Variants in AKAP6 observed in about 807,000 individuals in gnomAD.
The protein encoded by AKAP6 is A-kinase anchoring protein 6, also known as A-kinase anchor protein 6.
In AKAP6, 58 loss-of-function variants were observed where a neutral mutation model predicts 188.5. The ratio of observed to expected loss-of-function variants is 0.31; its 90% CI spans 0.25 to 0.38. The LOEUF is 0.38. Ranked by LOEUF, AKAP6 falls within the 10% of genes least tolerant of loss-of-function variation. AKAP6 has a pLI of 1.00. For synonymous variants in AKAP6, 989 were observed against 998.6 expected, an observed-to-expected ratio of 0.99 and a Z score of 0.18; for missense variants, 2,710 against 2,740.0, an observed-to-expected ratio of 0.99 and a Z score of 0.24.
chr14:32,815,313 C>T (rs1208312221), intron 12 of AKAP6, among the ~76,000 whole-genome samples: 1 of 152,150 alleles, frequency 6.6e-6, no homozygotes, highest in East Asian at 1.9e-4. Context: ...GATAGACTTT[C>T]AAAGCGTTTT....
At chr14:32,429,020 C>G (rs913221038) in intron 1 of AKAP6, among the ~76,000 whole-genome samples, 2 of 152,120 alleles carry the variant, frequency 1.3e-5, no homozygotes, top group African/African-American at 4.8e-5. Context: ...ATCGCTAATG[C>G]TGGAAAGGTG....
intron 7 of AKAP6, among the ~76,000 whole-genome samples, chr14:32,655,071 GAT>G (rs1888400333): frequency 6.6e-6 from 1 of 152,120 alleles, no homozygotes; most frequent in Non-Finnish European, 1.5e-5. Flanking sequence ...ATAGGAATAA[GAT>G]ATTAATGAGT....
intron 12 of AKAP6, among the ~76,000 whole-genome samples, chr14:32,785,059 A>C (rs2033360936): frequency 6.6e-6 from 1 of 151,462 alleles, no homozygotes; most frequent in South Asian, 2.1e-4. Context: ...TTGGCATGAC[A>C]TATTAAAGAT....
intron 9 of AKAP6, among the ~76,000 whole-genome samples, chr14:32,702,902 C>T (rs1290829992): frequency 6.6e-6 from 1 of 150,886 alleles, no homozygotes; most frequent in African/African-American, 2.5e-5. Flanking sequence ...CATGTGACCA[C>T]GCTTAATCAC....
At chr14:32,561,332 G>A (rs551385569) in intron 4 of AKAP6, among the ~76,000 whole-genome samples, 14 of 152,166 alleles carry the variant, frequency 9.2e-5, no homozygotes, top group African/African-American at 3.4e-4. Flanking sequence ...CCTTAATTCT[G>A]CCCCTAAGTA....
chr14:32,725,056 C>T (rs1203931153), intron 9 of AKAP6, among the ~76,000 whole-genome samples: 1 of 117,226 alleles, frequency 8.5e-6, no homozygotes, highest in African/African-American at 3.2e-5. Context: ...CAATATTGTT[C>T]AGTGTGGGTT....
At chr14:32,684,537 A>T (rs1889825555) in intron 8 of AKAP6, among the ~76,000 whole-genome samples, 1 of 152,134 alleles carries the variant, frequency 6.6e-6, no homozygotes, top group African/African-American at 2.4e-5. Context: ...TACACAAATA[A>T]TGTTTATTTT....
chr14:32,437,632 C>T (rs527838000), intron 2 of AKAP6, among the ~76,000 whole-genome samples: 2 of 152,018 alleles, frequency 1.3e-5, no homozygotes, highest in African/African-American at 2.4e-5. Flanking sequence ...GGTCTCACTC[C>T]GTCACCCAGA....
chr14:32,329,419 A>G lies in AKAP6; in HGVS notation c.-35+11A>G, dbSNP rs1356916121. 6.6e-6 allele frequency: 1 copy of G among 152,112 alleles called. No individual in the cohort carries two copies. The highest frequency in any genetic ancestry group is 1.5e-5 in the Non-Finnish European group (1 of 68,004). 9.4% of individuals were successfully genotyped at this position (152,112 alleles called of 1,614,324 possible). A position where few individuals can be genotyped will look rare whatever the true frequency, so the allele number is the denominator to read the frequency against. ...TGGGATCAGGAGATGGTGAGTGTTA[A>G]ATGTCTGGGCCTTAATTGCACGGCT... is the stretch of plus-strand genomic sequence containing the variant. On this transcript the variant is annotated intron_variant, in intron 1 of 13. Transcript: ENST00000280979.
At chr14:32,655,645 G>A (rs1454143284) in intron 7 of AKAP6, among the ~76,000 whole-genome samples, 2 of 152,152 alleles carry the variant, frequency 1.3e-5, no homozygotes, top group African/African-American at 4.8e-5. Flanking sequence ...TTTCATCGAA[G>A]TAAGAGAGCA....
Position 32,767,178 on chromosome 14 carries a change from C to T in AKAP6, c.3373-6500C>T, listed in dbSNP as rs994591543. ...TAACTGTAAAAGAAGTCTTTTATGG[C>T]ATAAATTAGTCTTGATTGTATGAAC... On this transcript the variant is annotated intron_variant, in intron 11 of 13. Transcript: ENST00000280979. Among the ~76,000 whole-genome samples the T allele has an allele frequency of 2.0e-5, 3 of 152,220 alleles. No homozygotes were observed. In the East Asian group the frequency reaches 5.8e-4, roughly 29 times the overall value.
intron 2 of AKAP6, among the ~76,000 whole-genome samples, chr14:32,522,190 A>G (rs1881873645): frequency 1.3e-5 from 2 of 152,250 alleles, no homozygotes; most frequent in Non-Finnish European, 2.9e-5. Flanking sequence ...AATTAATTCA[A>G]TATGGATTAA....
chr14:32,402,327 G>A (rs931591157), intron 1 of AKAP6, among the ~76,000 whole-genome samples: 43 of 152,096 alleles, frequency 2.8e-4, no homozygotes, highest in African/African-American at 9.9e-4. Flanking sequence ...CACACTATCT[G>A]GTCAGAAAAT....
chr14:32,388,557 G>A (rs1888607144), intron 1 of AKAP6, among the ~76,000 whole-genome samples: 1 of 151,906 alleles, frequency 6.6e-6, no homozygotes, highest in South Asian at 2.1e-4. Flanking sequence ...TGTCACTATT[G>A]TCATTCAGTT....
chr14:32,617,608 A>T (rs1471211099), intron 7 of AKAP6, among the ~76,000 whole-genome samples: 12 of 151,912 alleles, frequency 7.9e-5, no homozygotes, highest in African/African-American at 2.9e-4. Flanking sequence ...AAACCCTTAA[A>T]TTACGTGTGT....
In AKAP6 at chr14:32,507,422, C is replaced by T. The variant is rs115664566; in HGVS notation, c.325-28132C>T. ...AACAGAAACACAGGCCTCAAATTAACTTCTACATTTAAAATAAGGGTGTTG... is the reference window on the plus strand; with the variant it reads ...AACAGAAACACAGGCCTCAAATTAATTTCTACATTTAAAATAAGGGTGTTG... On this transcript the variant is annotated intron_variant, in intron 2 of 13. Transcript: ENST00000280979. Among the ~76,000 whole-genome samples the T allele has an allele frequency of 9.5e-3, 1,443 of 152,270 alleles. 16 individuals carry two copies. Among genetic ancestry groups the T allele is most frequent in the African/African-American group, 0.033 (1,378 of 41,526 alleles).
intron 1 of AKAP6, among the ~76,000 whole-genome samples, chr14:32,358,815 C>T (rs970210543): frequency 5.9e-5 from 9 of 152,120 alleles, no homozygotes; most frequent in African/African-American, 2.2e-4. Flanking sequence ...AAGGGTCAAT[C>T]ATCATACAGG....
intron 1 of AKAP6, among the ~76,000 whole-genome samples, chr14:32,430,860 A>C (rs2138698279): frequency 6.6e-6 from 1 of 152,262 alleles, no homozygotes; most frequent in South Asian, 2.1e-4. Context: ...TAATCCCAGC[A>C]CTTTGGGAGG....
rs548945726 is a variant in AKAP6 at position 32,546,845 on chromosome 14, C to T, written c.2192C>T (p.Ala731Val). The T allele has an allele frequency of 2.0e-4, 329 of 1,614,018 alleles. 5 individuals are homozygous for T. The South Asian group carries it at 3.3e-3, about 16-fold the overall frequency. The stretch of plus-strand genomic sequence containing the variant: ...GATGAGGAGTCCAGTATGCCTCTCG[C>T]TGGCATGAAAAAGTATGCTGATGAG... ...LSDEESSMPL[A>V]GMKKYADEKS... The change falls in exon 4 of 14, where the codon GCT becomes GTT. Residue 731 changes from alanine to valine, a missense_variant. Coordinates refer to ENST00000280979, the MANE Select transcript of AKAP6 (RefSeq NM_004274.5).
Sources: allele counts gnomAD v4.1 joint callset (sites outside exome capture counted in the v4.1 genomes callset), GRCh38; gene constraint gnomAD v4.1.1; transcripts MANE v1.5; gene names NCBI Gene and HGNC (gene_info 2026-07-23, HGNC 2026-07-21).